MGAT4C: variants seen among roughly 807,000 people sequenced by gnomAD.
MGAT4C encodes the protein MGAT4 family member C, also known as alpha-1,3-mannosyl-glycoprotein 4-beta-N-acetylglucosaminyltransferase C.
MGAT4C carries 19 observed loss-of-function variants against 40.1 expected under a neutral mutation model. The ratio of observed to expected loss-of-function variants is 0.47; its 90% CI spans 0.33 to 0.70. MGAT4C has a LOEUF of 0.70. Among genes scored for constraint, MGAT4C ranks in the 30% least tolerant of loss-of-function variants. MGAT4C has a pLI of 0.02. For synonymous variants in MGAT4C, 181 were observed against 187.1 expected (o/e 0.97, Z 0.27); for missense variants, 491 against 563.2 (o/e 0.87, Z 1.30).
At chr12:86,344,424 A>C (rs904210307) in intron 3 of MGAT4C, among the ~76,000 whole-genome samples, 2 of 152,194 alleles carry the variant, frequency 1.3e-5, no homozygotes, top group Admixed American at 1.3e-4. Flanking sequence ...TGTTTCAAGA[A>C]AGAAAAGCAT....
intron 2 of MGAT4C, among the ~76,000 whole-genome samples, chr12:86,045,037 C>G (rs139418406): frequency 4.2e-4 from 64 of 152,044 alleles, no homozygotes; most frequent in African/African-American, 1.5e-3. Flanking sequence ...CATGGTAGTC[C>G]CGTTCAGGGT....
chr12:86,746,959 G>A (rs950755402), intron 1 of MGAT4C, among the ~76,000 whole-genome samples: 2 of 151,660 alleles, frequency 1.3e-5, no homozygotes, highest in Middle Eastern at 3.4e-3. Flanking sequence ...TCAGAATTGC[G>A]TTCTTGGTTT....
chr12:86,482,102 AAG>A (rs917184016), intron 2 of MGAT4C, among the ~76,000 whole-genome samples: 2 of 149,716 alleles, frequency 1.3e-5, no homozygotes, highest in African/African-American at 5.0e-5. Context: ...ACACACACAC[AAG>A]CAAGTCTTCT....
intron 3 of MGAT4C, among the ~76,000 whole-genome samples, chr12:86,351,071 T>C (rs1384726325): frequency 2.0e-5 from 3 of 151,914 alleles, no homozygotes; most frequent in Non-Finnish European, 4.4e-5. Context: ...GATTTCTAAA[T>C]CCTTCTCTAG....
At chr12:86,730,127 A>G (rs1950884349) in intron 1 of MGAT4C, among the ~76,000 whole-genome samples, 1 of 151,892 alleles carries the variant, frequency 6.6e-6, no homozygotes, top group South Asian at 2.1e-4. Flanking sequence ...GATTTTCATT[A>G]AAGAAGAACC....
At chr12:86,665,864 A>G (rs1178191105) in intron 2 of MGAT4C, among the ~76,000 whole-genome samples, 3 of 152,170 alleles carry the variant, frequency 2.0e-5, no homozygotes, top group Non-Finnish European at 4.4e-5. Flanking sequence ...TAAAGTTGAG[A>G]CTATTTTTGC....
chr12:86,556,318 A>T (rs953264644), intron 2 of MGAT4C, among the ~76,000 whole-genome samples: 5 of 152,226 alleles, frequency 3.3e-5, no homozygotes, highest in African/African-American at 4.8e-5. Context: ...ACATTTATTT[A>T]TAAAAACTAT....
intron 2 of MGAT4C, among the ~76,000 whole-genome samples, chr12:86,549,492 A>C (rs2136394419): frequency 6.6e-6 from 1 of 152,318 alleles, no homozygotes; most frequent in East Asian, 1.9e-4. Context: ...TTTGAAGATG[A>C]TAATTTACAG....
In MGAT4C at chr12:86,333,171, C is replaced by T. The variant is rs530201554; in HGVS notation, c.-57+894G>A. On this transcript the variant is annotated intron_variant, in intron 4 of 7. Transcript: ENST00000548651. The stretch of plus-strand genomic sequence containing the variant: ...TCTAAGTCACTTATCTGCAGCCAGG[C>T]AAACTTGTCTCACCCTCACTTTCAA... Among the ~76,000 whole-genome samples the T allele has an allele frequency of 7.2e-5, 11 of 152,266 alleles. No individual in the cohort carries two copies. In the South Asian group the frequency reaches 2.3e-3, roughly 32 times the overall value.
At chr12:86,552,026 C>CAAAAAAAAAAAAAAAAAAA (rs201076856) in intron 2 of MGAT4C, among the ~76,000 whole-genome samples, 2 of 60,664 alleles carry the variant, frequency 3.3e-5, no homozygotes, top group African/African-American at 6.6e-5. Context: ...TTAAAAAAAG[C>CAAAAAAAAAAAAAAAAAAA]AAAAAAAAAA....
At chr12:86,346,289 A>C (rs1291986483) in intron 3 of MGAT4C, among the ~76,000 whole-genome samples, 1 of 152,102 alleles carries the variant, frequency 6.6e-6, no homozygotes, top group Non-Finnish European at 1.5e-5. Flanking sequence ...CAGTGGCACA[A>C]TCTCAGCTCA....
intron 3 of MGAT4C, among the ~76,000 whole-genome samples, chr12:85,989,160 A>C (rs1885592367): frequency 6.6e-6 from 1 of 152,046 alleles, no homozygotes; most frequent in African/African-American, 2.4e-5. Context: ...ACTTATTTGT[A>C]ATTACATGTA....
chr12:86,295,746 T>A (rs537252744), intron 4 of MGAT4C, among the ~76,000 whole-genome samples: 1 of 151,958 alleles, frequency 6.6e-6, no homozygotes, highest in Admixed American at 6.5e-5. Context: ...CACCTCCCCA[T>A]CAGATTAGTT....
At chr12:86,536,061 T>A (rs1427416572) in intron 2 of MGAT4C, among the ~76,000 whole-genome samples, 2 of 152,090 alleles carry the variant, frequency 1.3e-5, no homozygotes, top group African/African-American at 4.8e-5. Flanking sequence ...GTACAATGCA[T>A]ATAAAATGCA....
At chr12:86,514,532 C>G (rs1424743069) in intron 2 of MGAT4C, among the ~76,000 whole-genome samples, 2 of 152,164 alleles carry the variant, frequency 1.3e-5, no homozygotes, top group Non-Finnish European at 2.9e-5. Flanking sequence ...TTACTTCACT[C>G]AGTGCCTCAT....
intron 1 of MGAT4C, among the ~76,000 whole-genome samples, chr12:86,741,376 T>C (rs1347498740): frequency 6.6e-6 from 1 of 151,372 alleles, no homozygotes; most frequent in Non-Finnish European, 1.5e-5. Context: ...AATATTTTTA[T>C]ATGATCCTCT....
intron 1 of MGAT4C, among the ~76,000 whole-genome samples, chr12:86,109,634 ATATT>A (rs1199914861): frequency 6.6e-6 from 1 of 152,028 alleles, no homozygotes; most frequent in Admixed American, 6.6e-5. Context: ...GCATGGAAAA[ATATT>A]TATGGTATAA....
At chr12:86,047,202 T>A (rs1238012845) in intron 2 of MGAT4C, among the ~76,000 whole-genome samples, 3 of 152,166 alleles carry the variant, frequency 2.0e-5, no homozygotes, top group Non-Finnish European at 4.4e-5. Flanking sequence ...AGCAGTTGTT[T>A]ATAAAGATAA....
rs1297173399 is a variant in MGAT4C at position 86,627,909 on chromosome 12, G to C, written c.-229+99300C>G. Among the ~76,000 whole-genome samples, 2 of 152,136 alleles carry C rather than the reference G, an allele frequency of 1.3e-5. 1 individual carries two copies. Among genetic ancestry groups the C allele is most frequent in the Non-Finnish European group, 2.9e-5 (2 of 68,010 alleles). ...GGAGAATGACTTTGAGGAGTTGACA[G>C]AAGTAGGCTTCAGAAAGTCAGTAAT... is the stretch of plus-strand genomic sequence containing the variant. On this transcript the variant is annotated intron_variant, in intron 2 of 7. Coordinates refer to the MGAT4C transcript ENST00000548651.
Sources: allele counts gnomAD v4.1 joint callset (sites outside exome capture counted in the v4.1 genomes callset), GRCh38; gene constraint gnomAD v4.1.1; transcripts MANE v1.5; gene names NCBI Gene and HGNC (gene_info 2026-07-23, HGNC 2026-07-21).